Variants in PRDM11 observed in about 807,000 individuals in gnomAD.
PRDM11 encodes PR domain-containing protein 11.
A neutral mutation model predicts 97.8 loss-of-function variants in PRDM11; 20 were observed. The observed-to-expected ratio is 0.20, with a 90% CI of 0.14 to 0.30. PRDM11 has a LOEUF of 0.30. Among genes scored for constraint, PRDM11 ranks in the 10% least tolerant of loss-of-function variants. The pLI is 1.00. For synonymous variants in PRDM11, 599 were observed against 637.7 expected, an observed-to-expected ratio of 0.94 and a Z score of 0.91; for missense variants, 1,139 against 1,555.2, an observed-to-expected ratio of 0.73 and a Z score of 4.50.
chr11:45,104,739 C>T (rs1044880766), intron 1 of PRDM11, among the ~76,000 whole-genome samples: 3 of 152,292 alleles, frequency 2.0e-5, no homozygotes, highest in African/African-American at 4.8e-5. Flanking sequence ...ACCACCAATA[C>T]GGCTAAAGGG....
chr11:45,205,696 A>C (rs1853484270), intron 5 of PRDM11, among the ~76,000 whole-genome samples: 1 of 152,088 alleles, frequency 6.6e-6, no homozygotes, highest in Non-Finnish European at 1.5e-5. Flanking sequence ...CAACTTCCTA[A>C]AAAGGAGTGT....
intron 1 of PRDM11, among the ~76,000 whole-genome samples, chr11:45,118,231 CA>C (rs1307488331): frequency 6.6e-6 from 1 of 151,976 alleles, no homozygotes; most frequent in African/African-American, 2.4e-5. Context: ...AGAAAAACAA[CA>C]AAACAAAAAA....
At chr11:45,156,277 A>T (rs1851791872) in intron 1 of PRDM11, among the ~76,000 whole-genome samples, 1 of 152,200 alleles carries the variant, frequency 6.6e-6, no homozygotes, top group Admixed American at 6.5e-5. Flanking sequence ...AAGAATGGGG[A>T]TGCCTAGCAT....
intron 1 of PRDM11, among the ~76,000 whole-genome samples, chr11:45,180,550 C>G (rs1852449430): frequency 6.6e-6 from 1 of 151,666 alleles, no homozygotes; most frequent in South Asian, 2.1e-4. Context: ...TCCCACCGCC[C>G]CGCCCGGGCG....
At chr11:45,183,586 G>T in intron 4 of PRDM11, among the ~76,000 whole-genome samples, 1 of 152,182 alleles carries the variant, frequency 6.6e-6, no homozygotes, top group Non-Finnish European at 1.5e-5. Flanking sequence ...GGGAGCAGAC[G>T]ATCTGGTAGG....
chr11:45,138,638 T>C (rs571075867), intron 1 of PRDM11, among the ~76,000 whole-genome samples: 14 of 152,300 alleles, frequency 9.2e-5, no homozygotes, highest in African/African-American at 3.1e-4. Flanking sequence ...GATTATTCTA[T>C]AATTGGTGTT....
chr11:45,219,747 C>T lies in PRDM11; in HGVS notation c.732C>T (p.Asn244=). ...HSMSQETIHR[N]LARGEKRLQR... ...TGTCCCAGGAAACCATTCACCGCAA[C>T]CTGGCCAGAGGTGAGTGCCATGCTC... The change falls in exon 6 of 8, where the codon AAC becomes AAT. Residue 244 remains asparagine (N), a synonymous_variant. Coordinates refer to ENST00000683152, the MANE Select transcript of PRDM11 (RefSeq NM_001384648.1). This position sits in a 1 kb window ranked among gnomAD's most constrained non-coding sequence, Gnocchi z 4.2. 6.2e-7 allele frequency: 1 copy of T among 1,613,534 alleles called. No individual in the cohort carries two copies. Among genetic ancestry groups the T allele is most frequent in the Non-Finnish European group, 8.5e-7 (1 of 1,179,826 alleles).
At position 45,228,716 on chromosome 11, in the gene PRDM11, G is replaced by A. The variant is rs1014103646; in HGVS notation, c.*557G>A. ...TGTCTGTCTGCATTTGGGAGGCAGGGGGGTTGACCTTTCTCCCTCCCCACC... is the reference window on the plus strand; with the variant it reads ...TGTCTGTCTGCATTTGGGAGGCAGGAGGGTTGACCTTTCTCCCTCCCCACC... On this transcript the variant is annotated 3_prime_UTR_variant, in exon 8 of 8. Coordinates refer to ENST00000683152, the MANE Select transcript of PRDM11 (RefSeq NM_001384648.1). The A allele has an allele frequency of 6.6e-6, 1 of 152,052 alleles. No homozygotes were observed. Among genetic ancestry groups the A allele is most frequent in the East Asian group, 1.9e-4 (1 of 5,186 alleles). The allele number at this position is 152,052 out of a possible 1,614,324, so 9.4% of individuals were successfully genotyped here. A position where few individuals can be genotyped will look rare whatever the true frequency, so the allele number is the denominator to read the frequency against.
intron 1 of PRDM11, among the ~76,000 whole-genome samples, chr11:45,118,502 C>G (rs1054725362): frequency 6.6e-6 from 1 of 152,184 alleles, no homozygotes; most frequent in Non-Finnish European, 1.5e-5. Context: ...CACATCATGA[C>G]TAAGTGAGTT....
At chr11:45,171,278 T>G (rs1332888354) in intron 1 of PRDM11, among the ~76,000 whole-genome samples, 1 of 152,134 alleles carries the variant, frequency 6.6e-6, no homozygotes. Context: ...TGTTGTATTT[T>G]TAGTAGAAAC....
In PRDM11 at chr11:45,146,693, G is replaced by C. The variant is rs1371189665; in HGVS notation, c.-191G>C. ...CAAAGCAGGGGAGGAGAGCAGCAGC[G>C]AGTCGCCGCCGCCGCCGCGCCGAGG... is the stretch of plus-strand genomic sequence containing the variant. On this transcript the variant is annotated 5_prime_UTR_variant, in exon 1 of 8. Coordinates refer to ENST00000683152, the MANE Select transcript of PRDM11 (RefSeq NM_001384648.1). The C allele has an allele frequency of 4.0e-5, 6 of 151,736 alleles. No homozygotes were observed. Among genetic ancestry groups the C allele is most frequent in the Non-Finnish European group, 8.8e-5 (6 of 67,946 alleles). 9.4% of individuals were successfully genotyped at this position (151,736 alleles called of 1,614,324 possible).
intron 1 of PRDM11, among the ~76,000 whole-genome samples, chr11:45,110,507 C>T (rs1852152472): frequency 6.6e-6 from 1 of 152,236 alleles, no homozygotes; most frequent in South Asian, 2.1e-4. Flanking sequence ...CTGAAAGCAA[C>T]ATGCAGCCGG....
In PRDM11 at chr11:45,227,251, C is replaced by G; in HGVS notation, c.2626C>G (p.Gln876Glu). 1 of 1,533,976 alleles carries G rather than the reference C, an allele frequency of 6.5e-7. No homozygotes were observed. The highest frequency in any genetic ancestry group is 8.7e-7 in the Non-Finnish European group (1 of 1,146,724). ...CCTGCTGCAGTTCCTCATGGACTAC[C>G]AGTCCATCAAGCTCATCTACTTCCT... is the stretch of plus-strand genomic sequence containing the variant. ...LALLQFLMDY[Q>E]SIKLIYFLLD... is the part of the protein sequence containing the mutation. The change falls in exon 8 of 8, where the codon CAG becomes GAG. Residue 876 changes from glutamine (Q) to glutamate (E), a missense_variant. Transcript: ENST00000683152. This position sits in a 1 kb window ranked among gnomAD's most constrained non-coding sequence, Gnocchi z 8.0.
At chr11:45,212,939 CA>C (rs1565333003) in intron 5 of PRDM11, 1 of 399,626 alleles carries the variant, frequency 2.5e-6, no homozygotes, top group Admixed American at 2.7e-5. Context: ...CTCCACTCCC[CA>C]GGCCACCCAG....
chr11:45,225,346 C>T (rs1457208446), intron 7 of PRDM11, among the ~76,000 whole-genome samples: 1 of 152,164 alleles, frequency 6.6e-6, no homozygotes, highest in Non-Finnish European at 1.5e-5. Context: ...GGGATCCAGG[C>T]CATTCACCTG....
intron 4 of PRDM11, among the ~76,000 whole-genome samples, chr11:45,195,474 G>T (rs149743718): frequency 1.3e-5 from 2 of 152,182 alleles, no homozygotes; most frequent in African/African-American, 4.8e-5. Context: ...AGATTATGTA[G>T]TATGTGGTCT....
chr11:45,173,913 G>A (rs1479396700), intron 1 of PRDM11, among the ~76,000 whole-genome samples: 1 of 152,156 alleles, frequency 6.6e-6, no homozygotes, highest in Non-Finnish European at 1.5e-5. Flanking sequence ...TATATATTCA[G>A]AAAAGTGCAC....
upstream of PRDM11, among the ~76,000 whole-genome samples, chr11:45,095,637 C>T (rs1398695848): frequency 2.6e-5 from 4 of 152,234 alleles, no homozygotes; most frequent in African/African-American, 9.6e-5. Context: ...CACTATGTGA[C>T]AAAGTTCTGA....
Position 45,127,666 on chromosome 11 carries a change from C to A in PRDM11, c.96+31765C>A, listed in dbSNP as rs185881431. Among the ~76,000 whole-genome samples, 670 of 152,314 alleles carry A rather than the reference C, an allele frequency of 4.4e-3. 8 individuals carry two copies. Among genetic ancestry groups the A allele is most frequent in the African/African-American group, 0.015 (614 of 41,562 alleles). ...CAGAACAGCGGTGGCTGTAGAACAG[C>A]GGGTTTTCATGAACCGCAAATGCTG... is the stretch of plus-strand genomic sequence containing the variant. On this transcript the variant is annotated intron_variant, in intron 1 of 6. Transcript: ENST00000530656.
Sources: gnomAD v4.1 joint callset for allele counts (sites outside exome capture counted in the v4.1 genomes callset) on GRCh38, gnomAD v4.1.1 for gene constraint, Gnocchi (gnomAD v3.1) non-coding constraint, MANE v1.5 for transcripts, NCBI Gene and HGNC (gene_info 2026-07-23, HGNC 2026-07-21) for gene names.